DPP6: variants seen among roughly 807,000 people sequenced by gnomAD.
DPP6 encodes A-type potassium channel modulatory protein DPP6.
DPP6 carries 69 observed loss-of-function variants against 122.6 expected under a neutral mutation model. The observed-to-expected ratio is 0.56, with a 90% CI of 0.46 to 0.69. The LOEUF (loss-of-function observed/expected upper bound fraction) is 0.69, where lower values mean the gene tolerates loss of function less well. Among genes scored for constraint, DPP6 ranks in the 30% least tolerant of loss-of-function variants. The pLI is 0.00. For synonymous variants in DPP6, 418 were observed against 433.1 expected, an observed-to-expected ratio of 0.97 and a Z score of 0.43; for missense variants, 928 against 1,116.9, an observed-to-expected ratio of 0.83 and a Z score of 2.41.
chr7:154,470,468 C>T (rs1291607391), intron 2 of DPP6, among the ~76,000 whole-genome samples: 1 of 152,218 alleles, frequency 6.6e-6, no homozygotes, highest in Non-Finnish European at 1.5e-5. Flanking sequence ...CTTACCTCTA[C>T]CTGCAGGGAT....
intron 1 of DPP6, among the ~76,000 whole-genome samples, chr7:154,043,471 A>C (rs999881174): frequency 5.6e-5 from 8 of 142,132 alleles, no homozygotes; most frequent in Non-Finnish European, 1.1e-4. Context: ...AAATGCTCAG[A>C]TAAGTATACC....
rs545211733 is a variant in DPP6 at position 154,416,785 on chromosome 7, C to A, written c.244-29429C>A. Among the ~76,000 whole-genome samples the A allele has an allele frequency of 1.4e-3, 38 of 27,886 alleles. No individual in the cohort carries two copies. The Admixed American group carries it at 0.02, about 14-fold the overall frequency. 18.3% of individuals were successfully genotyped at this position (27,886 alleles called of 152,430 possible). A position where few individuals can be genotyped will look rare whatever the true frequency, so the allele number is the denominator to read the frequency against. On this transcript the variant is annotated intron_variant, in intron 1 of 25. Coordinates refer to ENST00000377770, the MANE Select transcript of DPP6 (RefSeq NM_130797.4). ...TGAGTAAAAACGAATTATAGAAATGCGGTTTTCCTGCTTTCAAGTGCAAAC... is the reference window on the plus strand; with the variant it reads ...TGAGTAAAAACGAATTATAGAAATGAGGTTTTCCTGCTTTCAAGTGCAAAC...
At chr7:154,792,696 G>A (rs1284892677) in intron 10 of DPP6, among the ~76,000 whole-genome samples, 1 of 152,240 alleles carries the variant, frequency 6.6e-6, no homozygotes, top group East Asian at 1.9e-4. Flanking sequence ...GGAGCAGATG[G>A]TGGGAAGAAA....
chr7:154,321,654 G>A (rs1007855253), intron 1 of DPP6, among the ~76,000 whole-genome samples: 9 of 151,444 alleles, frequency 5.9e-5, no homozygotes, highest in African/African-American at 1.2e-4. Context: ...GCATAGTGGC[G>A]GGTGCCTGTA....
chr7:154,066,672 G>T (rs62485609), intron 1 of DPP6, among the ~76,000 whole-genome samples: 34,710 of 150,386 alleles, frequency 0.23, 4,087 homozygotes, highest in East Asian at 0.41. Flanking sequence ...AAAAGGGCAA[G>T]GTCACCTTCC....
intron 1 of DPP6, among the ~76,000 whole-genome samples, chr7:154,015,499 CAT>C (rs1298823320): frequency 1.3e-5 from 2 of 152,154 alleles, no homozygotes; most frequent in Non-Finnish European, 2.9e-5. Context: ...TGATGTCTAA[CAT>C]GTGCTCGCTT....
intron 1 of DPP6, among the ~76,000 whole-genome samples, chr7:154,126,236 T>TTTGGTTGG (rs1394985714): frequency 2.0e-5 from 3 of 152,080 alleles, no homozygotes; most frequent in African/African-American, 7.2e-5. Context: ...AACTTAGCAT[T>TTTGGTTGG]TTGGTTGGTT....
At chr7:154,513,409 T>C (rs1826234655) in intron 3 of DPP6, among the ~76,000 whole-genome samples, 1 of 151,938 alleles carries the variant, frequency 6.6e-6, no homozygotes, top group African/African-American at 2.4e-5. Context: ...TGAGTTTTTG[T>C]TGGTTTGTTT....
At chr7:154,202,430 C>T (rs754700491) in intron 1 of DPP6, among the ~76,000 whole-genome samples, 5 of 152,126 alleles carry the variant, frequency 3.3e-5, no homozygotes, top group Non-Finnish European at 5.9e-5. Flanking sequence ...AAATGCAAGC[C>T]CTTCCATTTC....
At chr7:154,164,821 T>C (rs1305242095) in intron 1 of DPP6, among the ~76,000 whole-genome samples, 5 of 152,190 alleles carry the variant, frequency 3.3e-5, no homozygotes, top group African/African-American at 1.2e-4. Context: ...GCCAATAATA[T>C]TCCACTGTAT....
intron 1 of DPP6, among the ~76,000 whole-genome samples, chr7:153,980,188 G>A (rs774923307): frequency 6.6e-6 from 1 of 152,044 alleles, no homozygotes; most frequent in Non-Finnish European, 1.5e-5. Context: ...CTTTTTTTTG[G>A]TTGGTAGGCT....
At chr7:154,177,230 A>T (rs999420326) in intron 1 of DPP6, among the ~76,000 whole-genome samples, 4 of 152,226 alleles carry the variant, frequency 2.6e-5, no homozygotes, top group African/African-American at 9.6e-5. Context: ...ACGGATGCAT[A>T]GAAATGGATG....
chr7:153,756,480 T>G, the DPP6 span, among the ~76,000 whole-genome samples: 2 of 152,116 alleles, frequency 1.3e-5, no homozygotes, highest in African/African-American at 4.8e-5. Flanking sequence ...GAGCACGCAG[T>G]GAAGGGCCAC....
At chr7:153,924,886 T>C (rs1376036551) in intron 1 of DPP6, among the ~76,000 whole-genome samples, 1 of 152,062 alleles carries the variant, frequency 6.6e-6, no homozygotes, top group South Asian at 2.1e-4. Context: ...TGACTGCCAG[T>C]GTTTGGAGGC....
chr7:154,607,478 G>A lies in DPP6; in HGVS notation c.628-30343G>A, dbSNP rs992075317. 2.9e-5 allele frequency among the ~76,000 whole-genome samples: 3 copies of A among 103,578 alleles called. 1 individual carries two copies. Among genetic ancestry groups the A allele is most frequent in the South Asian group, 9.1e-4 (2 of 2,196 alleles). 68.0% of individuals were successfully genotyped at this position (103,578 alleles called of 152,430 possible). A position where few individuals can be genotyped will look rare whatever the true frequency, so the allele number is the denominator to read the frequency against. On this transcript the variant is annotated intron_variant, in intron 5 of 25. Coordinates refer to ENST00000377770, the MANE Select transcript of DPP6 (RefSeq NM_130797.4). ...CAGGAGGCTGAGGCAGGAGAATGGC[G>A]TGAACCCAGGAGGCCAGAGCTTGCA...
In DPP6 at chr7:154,023,728, C is replaced by G. The variant is rs141933045; in HGVS notation, c.51+135994C>G. ...AACTCCTGATCTCAGGTGATTCGCTCGCCTTGGCCTCCCAAAGTGCTGGGA... is the reference window on the plus strand; with the variant it reads ...AACTCCTGATCTCAGGTGATTCGCTGGCCTTGGCCTCCCAAAGTGCTGGGA... On this transcript the variant is annotated intron_variant, in intron 1 of 25. Coordinates refer to the DPP6 transcript ENST00000404039. Among the ~76,000 whole-genome samples the G allele has an allele frequency of 8.2e-3, 1,249 of 152,216 alleles. 19 individuals are homozygous for G. Among genetic ancestry groups the G allele is most frequent in the African/African-American group, 0.029 (1,196 of 41,498 alleles).
At chr7:153,937,080 G>T (rs1353173397) in intron 1 of DPP6, among the ~76,000 whole-genome samples, 1 of 152,130 alleles carries the variant, frequency 6.6e-6, no homozygotes, top group Non-Finnish European at 1.5e-5. Flanking sequence ...GGACCTTGGG[G>T]AGGCTCAGAT....
the DPP6 span, among the ~76,000 whole-genome samples, chr7:153,750,898 G>C: frequency 6.6e-6 from 1 of 152,196 alleles, no homozygotes; most frequent in African/African-American, 2.4e-5. Context: ...TTTTCTCAAA[G>C]AAGAACACAC....
chr7:154,873,726 TCACCCACATGCAGACACACG>T (rs1239220940), intron 19 of DPP6, among the ~76,000 whole-genome samples: 1 of 151,952 alleles, frequency 6.6e-6, no homozygotes. Flanking sequence ...GCATGCACAC[TCACCCACATGCAGACACACG>T]CACCCACACA....
Sources: gnomAD v4.1 joint callset for allele counts (sites outside exome capture counted in the v4.1 genomes callset) on GRCh38, gnomAD v4.1.1 for gene constraint, MANE v1.5 for transcripts, NCBI Gene and HGNC (gene_info 2026-07-23, HGNC 2026-07-21) for gene names.